The following OTOF variants were observed in gnomAD, a reference collection of about 807,000 sequenced individuals.
The protein encoded by OTOF is fer-1-like family member 2.
A neutral mutation model predicts 236.8 loss-of-function variants in OTOF; 218 were observed. The ratio of observed to expected loss-of-function variants is 0.92; its 90% CI spans 0.82 to 1.03. OTOF has a LOEUF of 1.03. Ranked by LOEUF, OTOF falls within the 50% of genes least tolerant of loss-of-function variation. The pLI, the probability that OTOF is intolerant of heterozygous loss-of-function variation, is 0.00. For missense variants in OTOF, 2,590 were observed against 2,694.4 expected, an observed-to-expected ratio of 0.96 and a Z score of 0.86; for synonymous variants, 1,041 against 1,072.5, an observed-to-expected ratio of 0.97 and a Z score of 0.57.
chr2:26,554,669 A>G (rs1299776864), intron 1 of OTOF, among the ~76,000 whole-genome samples: 1 of 151,220 alleles, frequency 6.6e-6, no homozygotes, highest in Non-Finnish European at 1.5e-5. Context: ...TCCAGGCAGA[A>G]GAAATATGAT....
rs190485114 is a variant in OTOF at position 26,545,558 on chromosome 2, G to C, written c.80-7784C>G. Among the ~76,000 whole-genome samples the C allele has an allele frequency of 5.9e-5, 9 of 152,124 alleles. No homozygotes were observed. The East Asian group carries it at 1.7e-3, about 29-fold the overall frequency. On this transcript the variant is annotated intron_variant, in intron 1 of 46. Coordinates refer to ENST00000272371, the MANE Select transcript of OTOF (RefSeq NM_194248.3). ...AGTTTCCAATTTTTAAGAAATGCAA[G>C]TTTTTAGTGAAATTTATTTCTTATG... is the stretch of plus-strand genomic sequence containing the variant.
In OTOF at chr2:26,461,732, A is replaced by G; in HGVS notation, c.5497T>C (p.Trp1833Arg). 1 of 1,614,136 alleles carries G rather than the reference A, an allele frequency of 6.2e-7. No individual in the cohort carries two copies. Among genetic ancestry groups the G allele is most frequent in the East Asian group, 2.2e-5 (1 of 44,864 alleles). The change falls in exon 43 of 47, where the codon TGG (tryptophan) becomes CGG (arginine). Residue 1833 changes from tryptophan to arginine, a missense_variant. Coordinates refer to ENST00000272371, the MANE Select transcript of OTOF (RefSeq NM_194248.3). The surrounding 1 kb of genome is among the most constrained non-coding windows in gnomAD (Gnocchi z 6.2). ...KIPARLTLQI[W>R]DADHFSADDF... ...TCAGCGGAGAAGTGGTCCGCATCCC[A>G]GATCTGCAGGGTGAGCCGCGCGGGG...
rs374303096 is a variant in OTOF at position 26,460,798 on chromosome 2, G to A, written c.5713-51C>T. ...GTCCAGGCTGCGTGCTGGGCCCTTG[G>A]CACCCCAGCCAGTCCCAGCCCTGCC... is the stretch of plus-strand genomic sequence containing the variant. On this transcript the variant is annotated intron_variant, in intron 44 of 46. Transcript: ENST00000272371. The surrounding 1 kb of genome is among the most constrained non-coding windows in gnomAD (Gnocchi z 5.3). The A allele has an allele frequency of 2.5e-6, 4 of 1,612,902 alleles. No homozygotes were observed. The highest frequency in any genetic ancestry group is 2.7e-5 in the African/African-American group (2 of 75,026).
intron 26 of OTOF, 23 bp from the exon 27 acceptor site, chr2:26,474,133 C>T (rs964969556): frequency 5.0e-6 from 8 of 1,612,452 alleles, no homozygotes; most frequent in Non-Finnish European, 6.8e-6. Flanking sequence ...GGTCACAGGT[C>T]ACACACTGGG....
chr2:26,497,089 C>CTTTTTTTTTTT (rs201349303), intron 8 of OTOF, among the ~76,000 whole-genome samples: 5 of 97,756 alleles, frequency 5.1e-5, no homozygotes, highest in Admixed American at 1.5e-4. Flanking sequence ...GTACATTCTT[C>CTTTTTTTTTTT]TTTTTTTTTT....
chr2:26,459,634 A>G (rs1379303431), intron 46 of OTOF, among the ~76,000 whole-genome samples: 2 of 151,958 alleles, frequency 1.3e-5, no homozygotes, highest in Non-Finnish European at 2.9e-5. Context: ...CAAAGAACAC[A>G]GGATTGGAAA....
chr2:26,535,368 G>A (rs527299906), intron 2 of OTOF, among the ~76,000 whole-genome samples: 22 of 152,290 alleles, frequency 1.4e-4, no homozygotes, highest in Admixed American at 3.9e-4. Context: ...AAGGGGCATG[G>A]CTCGGGAAGC....
rs773529450 is a variant in OTOF, at chr2:26,460,429, G to T, written c.5813+218C>A. 2.0e-5 allele frequency among the ~76,000 whole-genome samples: 3 copies of T among 152,242 alleles called. No individual in the cohort carries two copies. Among genetic ancestry groups the T allele is most frequent in the Non-Finnish European group, 4.4e-5 (3 of 68,042 alleles). On this transcript the variant is annotated intron_variant, in intron 45 of 46. Coordinates refer to ENST00000272371, the MANE Select transcript of OTOF (RefSeq NM_194248.3). The surrounding 1 kb of genome is among the most constrained non-coding windows in gnomAD (Gnocchi z 5.3). Reference sequence around the variant, plus strand: ...GCATAGTTTCTCTCCGCTAGATGGGGCCTTTCCCAGGGAAGGTCCTGCTCT... The same window carrying T: ...GCATAGTTTCTCTCCGCTAGATGGGTCCTTTCCCAGGGAAGGTCCTGCTCT...
intron 3 of OTOF, among the ~76,000 whole-genome samples, chr2:26,519,623 C>G (rs1350034341): frequency 1.3e-5 from 2 of 152,200 alleles, no homozygotes; most frequent in African/African-American, 4.8e-5. Flanking sequence ...CATGGAACTG[C>G]ACAGCAGGGG....
chr2:26,482,206 TCAGGCCAGCTCTGAGCC>T (rs1558490383), intron 14 of OTOF, among the ~76,000 whole-genome samples, 183 bp downstream of exon 14: 1 of 151,888 alleles, frequency 6.6e-6, no homozygotes, highest in East Asian at 1.9e-4. Context: ...TCAGCTGGGC[TCAGGCCAGCTCTGAGCC>T]GACCTGAGCC....
Position 26,460,008 on chromosome 2 carries a change from C to T in OTOF, c.*17G>A, listed in dbSNP as rs932240808. The T allele has an allele frequency of 1.9e-6, 3 of 1,559,798 alleles. No homozygotes were observed. The highest frequency in any genetic ancestry group is 2.7e-5 in the African/African-American group (2 of 73,762). On this transcript the variant is annotated splice_region_variant and 3_prime_UTR_variant, in exon 46 of 47. Transcript: ENST00000272371. The surrounding 1 kb of genome is among the most constrained non-coding windows in gnomAD (Gnocchi z 5.3). ...GAGGAAGAAGTAAGAAATATCAGACCCAGGAGGCCACTGGGCTCAGGCCCC... is the reference window on the plus strand; with the variant it reads ...GAGGAAGAAGTAAGAAATATCAGACTCAGGAGGCCACTGGGCTCAGGCCCC...
At chr2:26,511,317 G>A (rs1285574405) in intron 5 of OTOF, among the ~76,000 whole-genome samples, 6 of 152,154 alleles carry the variant, frequency 3.9e-5, no homozygotes, top group Non-Finnish European at 7.4e-5. Context: ...TTCTAGGGGT[G>A]TAGGTGGGGC....
At chr2:26,519,991 A>T (rs902898963) in intron 3 of OTOF, among the ~76,000 whole-genome samples, 3 of 152,270 alleles carry the variant, frequency 2.0e-5, no homozygotes, top group Non-Finnish European at 2.9e-5. Flanking sequence ...CACACTAGAG[A>T]TCTCAATATC....
intron 1 of OTOF, among the ~76,000 whole-genome samples, chr2:26,550,905 C>G (rs979157727): frequency 6.6e-6 from 1 of 152,182 alleles, no homozygotes; most frequent in Admixed American, 6.5e-5. Context: ...GCCTTCCGGT[C>G]TCCCCTCCAC....
chr2:26,507,102 G>A (rs1031887065), intron 5 of OTOF, among the ~76,000 whole-genome samples: 5 of 152,360 alleles, frequency 3.3e-5, no homozygotes, highest in African/African-American at 9.6e-5. Flanking sequence ...GCTGTCTGAA[G>A]TGGTAGTACT....
intron 5 of OTOF, chr2:26,510,635 C>G: frequency 9.4e-7 from 1 of 1,062,914 alleles, no homozygotes; most frequent in African/African-American, 1.6e-5. Context: ...CCGCCCTCCA[C>G]AGCCTGTGGG....
At position 26,510,615 on chromosome 2, in the gene OTOF, C is replaced by G. The variant is rs112962157; in HGVS notation, c.509+5803G>C. On this transcript the variant is annotated intron_variant, in intron 5 of 46. Coordinates refer to ENST00000272371, the MANE Select transcript of OTOF (RefSeq NM_194248.3). Reference sequence around the variant, plus strand: ...CAGCCCACTCCTGAGCCCTCTCAGCCGAGCCCATCCCGCCCTCCACAGCCT... The same window carrying G: ...CAGCCCACTCCTGAGCCCTCTCAGCGGAGCCCATCCCGCCCTCCACAGCCT... The G allele has an allele frequency of 3.0e-5, 25 of 839,992 alleles. No homozygotes were observed. In the Admixed American group the frequency reaches 5.8e-4, roughly 19 times the overall value. 52.0% of individuals were successfully genotyped at this position (839,992 alleles called of 1,614,324 possible). A position where few individuals can be genotyped will look rare whatever the true frequency, so the allele number is the denominator to read the frequency against.
intron 9 of OTOF, among the ~76,000 whole-genome samples, chr2:26,493,633 C>T (rs575271182): frequency 3.3e-5 from 5 of 152,262 alleles, no homozygotes; most frequent in South Asian, 2.1e-4. Flanking sequence ...ACAAACCACA[C>T]GGCTCATGCA....
At chr2:26,489,141 G>A in intron 11 of OTOF, 70 bp downstream of exon 11, 1 of 1,121,278 alleles carries the variant, frequency 8.9e-7, no homozygotes, top group Non-Finnish European at 1.3e-6. Flanking sequence ...GCCACAGTGG[G>A]AAGGGCCCCG....
Sources: allele counts gnomAD v4.1 joint callset (sites outside exome capture counted in the v4.1 genomes callset), GRCh38; gene constraint gnomAD v4.1.1; non-coding constraint Gnocchi (gnomAD v3.1); transcripts MANE v1.5; gene names NCBI Gene and HGNC (gene_info 2026-07-23, HGNC 2026-07-21).